Variants in GPR63 observed in about 807,000 individuals in gnomAD.
GPR63 encodes G protein-coupled receptor 63.
GPR63 carries 12 observed loss-of-function variants against 23.1 expected under a neutral mutation model. The ratio of observed to expected loss-of-function variants is 0.52; its 90% CI spans 0.33 to 0.84. The LOEUF (loss-of-function observed/expected upper bound fraction) is 0.84, where lower values mean the gene tolerates loss of function less well. Among genes scored for constraint, GPR63 ranks in the 40% least tolerant of loss-of-function variants. The pLI is 0.02. For missense variants in GPR63, 472 were observed against 515.6 expected, an observed-to-expected ratio of 0.92 and a Z score of 0.82; for synonymous variants, 172 against 191.1, an observed-to-expected ratio of 0.90 and a Z score of 0.82.
chr6:96,829,226 C>T (rs1774519545), intron 1 of GPR63, among the ~76,000 whole-genome samples: 1 of 152,200 alleles, frequency 6.6e-6, no homozygotes, highest in South Asian at 2.1e-4. Flanking sequence ...TTGTAGAGAA[C>T]ACCTGCCATT....
chr6:96,807,770 C>T (rs923472362), intron 1 of GPR63, among the ~76,000 whole-genome samples: 16 of 152,184 alleles, frequency 1.1e-4, no homozygotes, highest in African/African-American at 3.9e-4. Context: ...TTAAGAATAA[C>T]CTTTTATCTC....
At chr6:96,808,513 T>C (rs865882568) in intron 1 of GPR63, among the ~76,000 whole-genome samples, 3 of 152,174 alleles carry the variant, frequency 2.0e-5, no homozygotes, top group South Asian at 2.1e-4. Flanking sequence ...ACAATCCCAA[T>C]AGAACTGAAT....
At chr6:96,836,582 T>G (rs1288572628) in intron 1 of GPR63, among the ~76,000 whole-genome samples, 1 of 148,362 alleles carries the variant, frequency 6.7e-6, no homozygotes, top group African/African-American at 2.5e-5. Flanking sequence ...GAAATTTTCA[T>G]AAAGATATGT....
At chr6:96,812,820 G>C (rs891805517) in intron 1 of GPR63, among the ~76,000 whole-genome samples, 1 of 151,966 alleles carries the variant, frequency 6.6e-6, no homozygotes, top group Non-Finnish European at 1.5e-5. Flanking sequence ...CCATCATCTA[G>C]AGTATTTAAC....
intron 1 of GPR63, among the ~76,000 whole-genome samples, chr6:96,813,058 C>G (rs954760472): frequency 2.0e-5 from 3 of 152,114 alleles, no homozygotes; most frequent in African/African-American, 7.2e-5. Context: ...ACCTCCATGA[C>G]ATAGCTTCTT....
At chr6:96,812,814 C>T (rs1251317638) in intron 1 of GPR63, among the ~76,000 whole-genome samples, 1 of 152,018 alleles carries the variant, frequency 6.6e-6, no homozygotes, top group African/African-American at 2.4e-5. Context: ...GAGTATCCAT[C>T]ATCTAGAGTA....
At chr6:96,820,003 CA>C (rs1562122462) in intron 1 of GPR63, among the ~76,000 whole-genome samples, 2 of 142,450 alleles carry the variant, frequency 1.4e-5, no homozygotes, top group Non-Finnish European at 3.1e-5. Flanking sequence ...CAAACAACAA[CA>C]AAAAAAATTC....
rs372185377 is a variant in GPR63, at chr6:96,794,972, C to T, written c.*3500G>A. On this transcript the variant is annotated 3_prime_UTR_variant, in exon 2 of 2. Coordinates refer to ENST00000229955, the MANE Select transcript of GPR63 (RefSeq NM_030784.4). ...GCCTAGAAGATAATGGCTTGCAACA[C>T]GAAACAAACATTGTGGGATAAAACA... 2.0e-5 allele frequency: 3 copies of T among 152,112 alleles called. No individual in the cohort carries two copies. Among genetic ancestry groups the T allele is most frequent in the East Asian group, 1.9e-4 (1 of 5,196 alleles). 9.4% of individuals were successfully genotyped at this position (152,112 alleles called of 1,614,324 possible).
At chr6:96,830,997 G>T (rs185499681) in intron 1 of GPR63, among the ~76,000 whole-genome samples, 8 of 152,244 alleles carry the variant, frequency 5.3e-5, no homozygotes, top group Non-Finnish European at 1.2e-4. Flanking sequence ...AAACACATGT[G>T]CATACACATA....
chr6:96,820,612 A>G (rs1016085852), intron 1 of GPR63, among the ~76,000 whole-genome samples: 2 of 152,170 alleles, frequency 1.3e-5, no homozygotes, highest in East Asian at 1.9e-4. Context: ...TTTTAAAAAA[A>G]GCAAAATGAG....
intron 1 of GPR63, among the ~76,000 whole-genome samples, chr6:96,831,837 C>T (rs938199892): frequency 9.9e-5 from 15 of 151,608 alleles, no homozygotes; most frequent in African/African-American, 3.2e-4. Context: ...ACCCGGGAGG[C>T]GGAGGTTGCT....
intron 1 of GPR63, among the ~76,000 whole-genome samples, chr6:96,830,490 C>A (rs1298001360): frequency 6.6e-6 from 1 of 152,020 alleles, no homozygotes; most frequent in African/African-American, 2.4e-5. Flanking sequence ...TAGCACTTAT[C>A]CAAGTGCTAA....
intron 1 of GPR63, among the ~76,000 whole-genome samples, chr6:96,823,979 C>T (rs549931213): frequency 1.1e-4 from 17 of 152,218 alleles, no homozygotes; most frequent in African/African-American, 3.9e-4. Flanking sequence ...GAAATTGCCT[C>T]ATGACTCACT....
chr6:96,794,491 A>C lies in GPR63; in HGVS notation c.*3981T>G, dbSNP rs1261539547. 1 of 152,230 alleles carries C rather than the reference A, an allele frequency of 6.6e-6. No homozygotes were observed. Among genetic ancestry groups the C allele is most frequent in the East Asian group, 1.9e-4 (1 of 5,204 alleles). 9.4% of individuals were successfully genotyped at this position (152,230 alleles called of 1,614,324 possible). A position where few individuals can be genotyped will look rare whatever the true frequency, so the allele number is the denominator to read the frequency against. ...AAAATCATTGTAGAATAAAATGTCA[A>C]GCAAGTGAAAACTTTTCTGTGATAT... On this transcript the variant is annotated 3_prime_UTR_variant, in exon 2 of 2. Coordinates refer to ENST00000229955, the MANE Select transcript of GPR63 (RefSeq NM_030784.4).
intron 1 of GPR63, among the ~76,000 whole-genome samples, chr6:96,803,692 C>G (rs1047264503): frequency 4.6e-5 from 7 of 152,186 alleles, no homozygotes; most frequent in Non-Finnish European, 5.9e-5. Context: ...TTCCTCTAAG[C>G]ATTTCTCATC....
intron 1 of GPR63, among the ~76,000 whole-genome samples, chr6:96,834,043 A>G (rs1035685566): frequency 1.3e-5 from 2 of 152,310 alleles, no homozygotes; most frequent in South Asian, 2.1e-4. Flanking sequence ...TTTCCTGTGT[A>G]TTAAGCTAGA....
chr6:96,807,840 G>C (rs1241768124), intron 1 of GPR63, among the ~76,000 whole-genome samples: 1 of 152,130 alleles, frequency 6.6e-6, no homozygotes, highest in Admixed American at 6.6e-5. Context: ...GAATATGTTA[G>C]CTTTAAAAAT....
At position 96,829,918 on chromosome 6, in the gene GPR63, C is replaced by T. The variant is rs370580682; in HGVS notation, c.-151+7350G>A. Among the ~76,000 whole-genome samples, 60 of 152,202 alleles carry T rather than the reference C, an allele frequency of 3.9e-4. No homozygotes were observed. The South Asian group carries it at 4.4e-3, about 11-fold the overall frequency. ...TAAATATTTTCAAAGAAGCAACTTTCGGCTTTGCTGATCATCTCTACTATA... is the reference window on the plus strand; with the variant it reads ...TAAATATTTTCAAAGAAGCAACTTTTGGCTTTGCTGATCATCTCTACTATA... On this transcript the variant is annotated intron_variant, in intron 1 of 1. Transcript: ENST00000229955.
chr6:96,811,121 G>A (rs575300518), intron 1 of GPR63, among the ~76,000 whole-genome samples: 5 of 152,278 alleles, frequency 3.3e-5, no homozygotes, highest in Admixed American at 2.6e-4. Context: ...CATCCCACCA[G>A]CCCCGGTCTC....
Sources: gnomAD v4.1 joint callset for allele counts (sites outside exome capture counted in the v4.1 genomes callset) on GRCh38, gnomAD v4.1.1 for gene constraint, MANE v1.5 for transcripts, NCBI Gene and HGNC (gene_info 2026-07-23, HGNC 2026-07-21) for gene names.